The following PSMG2 variants were observed in gnomAD, a reference collection of about 807,000 sequenced individuals.
PSMG2 encodes proteasome assembly chaperone 2, also known as CD40 ligand-activated specific transcript 3.
A neutral mutation model predicts 31.5 loss-of-function variants in PSMG2; 21 were observed. The observed-to-expected ratio is 0.67, with a 90% CI of 0.47 to 0.96. PSMG2 has a LOEUF of 0.96. Among genes scored for constraint, PSMG2 ranks in the 40% least tolerant of loss-of-function variants. The pLI is 0.00. For synonymous variants in PSMG2, 120 were observed against 110.4 expected, an observed-to-expected ratio of 1.09 and a Z score of -0.54; for missense variants, 318 against 321.2, an observed-to-expected ratio of 0.99 and a Z score of 0.08.
rs541183742 is a variant in PSMG2, at chr18:12,670,004, A to G, written c.-37+11231A>G. Among the ~76,000 whole-genome samples, 5 of 148,656 alleles carry G rather than the reference A, an allele frequency of 3.4e-5. No homozygotes were observed. The East Asian group carries it at 7.8e-4, about 23-fold the overall frequency. Reference sequence around the variant, plus strand: ...AAGAGCCAAACTGTCTCAAAAAAAAAAAGAAAAGAAAAAGAAAAAGAAAAA... The same window carrying G: ...AAGAGCCAAACTGTCTCAAAAAAAAGAAGAAAAGAAAAAGAAAAAGAAAAA... On this transcript the variant is annotated intron_variant, in intron 1 of 6. Coordinates refer to the PSMG2 transcript ENST00000585331.
At chr18:12,674,032 T>C (rs576287731) in intron 1 of PSMG2, among the ~76,000 whole-genome samples, 3 of 152,244 alleles carry the variant, frequency 2.0e-5, no homozygotes, top group South Asian at 4.1e-4. Flanking sequence ...ACTGGGCAAA[T>C]AATCCCAGAC....
chr18:12,667,846 TC>T (rs1473544664), intron 1 of PSMG2, among the ~76,000 whole-genome samples: 3 of 125,380 alleles, frequency 2.4e-5, no homozygotes, highest in South Asian at 2.3e-4. Flanking sequence ...TGCTTTCTGA[TC>T]CTTTTTTTTT....
intron 1 of PSMG2, among the ~76,000 whole-genome samples, chr18:12,690,735 G>A (rs1033671540): frequency 2.0e-5 from 3 of 152,114 alleles, no homozygotes; most frequent in Admixed American, 1.3e-4. Context: ...GATTACAGGC[G>A]TGAGCCACCG....
At chr18:12,700,594 G>A (rs1377452975), upstream of PSMG2, among the ~76,000 whole-genome samples, 2 of 152,086 alleles carry the variant, frequency 1.3e-5, no homozygotes, top group African/African-American at 2.4e-5. Flanking sequence ...CCAAAAGAGT[G>A]CTTATTTTAA....
At chr18:12,663,039 T>C (rs990895198) in intron 1 of PSMG2, among the ~76,000 whole-genome samples, 1 of 152,222 alleles carries the variant, frequency 6.6e-6, no homozygotes, top group Non-Finnish European at 1.5e-5. Context: ...CTCATAAATA[T>C]GAATTTTAGG....
At chr18:12,718,242 C>G (rs2040396704) in intron 3 of PSMG2, among the ~76,000 whole-genome samples, 1 of 151,988 alleles carries the variant, frequency 6.6e-6, no homozygotes, top group South Asian at 2.1e-4. Context: ...CTCTTGACCT[C>G]AGGTGATCCG....
Position 12,718,584 on chromosome 18 carries a change from T to C in PSMG2, c.356T>C (p.Ile119Thr). 1 of 1,612,736 alleles carries C rather than the reference T, an allele frequency of 6.2e-7. No individual in the cohort carries two copies. Among genetic ancestry groups the C allele is most frequent in the Non-Finnish European group, 8.5e-7 (1 of 1,179,168 alleles). Residue 119 changes from isoleucine (I) to threonine (T), a missense_variant, in exon 4 of 7, where the codon ATT (isoleucine) becomes ACT (threonine). Physicochemically the swap from Ile to Thr is moderately conservative, Grantham distance 89. Coordinates refer to ENST00000317615, the MANE Select transcript of PSMG2 (RefSeq NM_020232.5). The stretch of plus-strand genomic sequence containing the variant: ...AAAAGCAGTGGCTGTGCCAGAGTCA[T>C]TGTTCTTTCAAGCAGTCATTCATAT... Reference protein sequence around the residue: ...WVKSSGCARVIVLSSSHSYQR... With the variant: ...WVKSSGCARVTVLSSSHSYQR...
intron 1 of PSMG2, chr18:12,695,435 C>G (rs578135039): frequency 1.9e-6 from 1 of 533,206 alleles, no homozygotes; most frequent in Admixed American, 3.8e-5. Context: ...ATAATTTAGG[C>G]ACTTGGGTGT....
intron 1 of PSMG2, among the ~76,000 whole-genome samples, chr18:12,665,554 G>T (rs1486964301): frequency 6.6e-6 from 1 of 152,036 alleles, no homozygotes; most frequent in Non-Finnish European, 1.5e-5. Context: ...TGTAACCCTC[G>T]CTCCTACTCT....
At chr18:12,710,965 C>T (rs1220540492) in intron 2 of PSMG2, among the ~76,000 whole-genome samples, 2 of 151,968 alleles carry the variant, frequency 1.3e-5, no homozygotes, top group Admixed American at 6.6e-5. Flanking sequence ...CCCGTTGTGA[C>T]GGTGTGCATC....
chr18:12,708,618 C>T (rs1457554564), intron 2 of PSMG2, among the ~76,000 whole-genome samples: 1 of 151,944 alleles, frequency 6.6e-6, no homozygotes. Flanking sequence ...CCTGTCTTGG[C>T]CTCCTAAAGT....
chr18:12,675,175 T>C (rs913159291), intron 1 of PSMG2, among the ~76,000 whole-genome samples: 3 of 152,152 alleles, frequency 2.0e-5, no homozygotes, highest in African/African-American at 7.2e-5. Context: ...GGTGGGCGGA[T>C]CATGAGGTCA....
chr18:12,671,642 CTTTTTT>C (rs869130220), intron 1 of PSMG2, among the ~76,000 whole-genome samples: 4 of 55,548 alleles, frequency 7.2e-5, no homozygotes, highest in African/African-American at 1.3e-4. Flanking sequence ...TTCACACTTT[CTTTTTT>C]TTTTTTTTTT....
chr18:12,687,204 AG>A (rs1420595729), intron 1 of PSMG2, among the ~76,000 whole-genome samples: 2 of 152,162 alleles, frequency 1.3e-5, no homozygotes, highest in Non-Finnish European at 2.9e-5. Flanking sequence ...CCTCCCTGAT[AG>A]GGTTCCTCAG....
intron 1 of PSMG2, among the ~76,000 whole-genome samples, chr18:12,669,995 CAA>C (rs112045361): frequency 2.3e-5 from 3 of 128,984 alleles, no homozygotes; most frequent in Admixed American, 8.3e-5. Context: ...CAAACTGTCT[CAA>C]AAAAAAAAAG....
At chr18:12,701,752 C>T (rs1201813297), upstream of PSMG2, among the ~76,000 whole-genome samples, 2 of 152,188 alleles carry the variant, frequency 1.3e-5, no homozygotes, top group Non-Finnish European at 2.9e-5. Context: ...CCTTTAGTAA[C>T]TTCTCTTCCA....
intron 1 of PSMG2, chr18:12,691,231 C>T: frequency 1.7e-6 from 1 of 584,452 alleles, no homozygotes; most frequent in Non-Finnish European, 2.8e-6. Context: ...ACAAAATCAG[C>T]ATTTTATTTT....
chr18:12,725,565 A>C lies in PSMG2; in HGVS notation c.*34A>C, dbSNP rs1192814113. The C allele has an allele frequency of 1.0e-5, 15 of 1,469,334 alleles. No homozygotes were observed. Among genetic ancestry groups the C allele is most frequent in the Non-Finnish European group, 1.4e-5 (15 of 1,057,298 alleles). 91.0% of individuals were successfully genotyped at this position (1,469,334 alleles called of 1,614,324 possible). On this transcript the variant is annotated 3_prime_UTR_variant, in exon 7 of 7. Coordinates refer to ENST00000317615, the MANE Select transcript of PSMG2 (RefSeq NM_020232.5). ...CTGTTTTATACCTTATACCCAAAAC[A>C]CTTACTACCAACACAGCTGTTAAAC...
intron 1 of PSMG2, chr18:12,661,269 T>C (rs778633032): frequency 1.8e-5 from 10 of 567,920 alleles, no homozygotes; most frequent in African/African-American, 2.0e-5. Context: ...GATCACGCCA[T>C]TGCACCCCAG....
Sources: allele counts gnomAD v4.1 joint callset (sites outside exome capture counted in the v4.1 genomes callset), GRCh38; gene constraint gnomAD v4.1.1; transcripts MANE v1.5; gene names NCBI Gene and HGNC (gene_info 2026-07-23, HGNC 2026-07-21).